The following ATG10 variants were observed in gnomAD, a reference collection of about 807,000 sequenced individuals.
ATG10 encodes ubiquitin-like-conjugating enzyme ATG10.
A neutral mutation model predicts 32.1 loss-of-function variants in ATG10; 30 were observed. That is an observed-to-expected ratio of 0.94 (90% CI 0.70 to 1.27). ATG10 has a LOEUF of 1.27. Ranked by LOEUF, ATG10 falls within the 50% of genes most tolerant of loss-of-function variation. The pLI, the probability that ATG10 is intolerant of heterozygous loss-of-function variation, is 0.00. For missense variants in ATG10, 233 were observed against 262.3 expected (o/e 0.89, Z 0.77); for synonymous variants, 87 against 91.5 (o/e 0.95, Z 0.28).
chr5:81,979,267 C>T (rs998858613), intron 1 of ATG10, among the ~76,000 whole-genome samples: 2 of 152,032 alleles, frequency 1.3e-5, no homozygotes, highest in African/African-American at 2.4e-5. Flanking sequence ...GTGGCTCACA[C>T]CTGTAATCCC....
At chr5:82,061,818 CTTT>C (rs11459926) in intron 3 of ATG10, among the ~76,000 whole-genome samples, 1 of 80,922 alleles carries the variant, frequency 1.2e-5, no homozygotes. Context: ...ACACACATAC[CTTT>C]TTTTTTTTTT....
At chr5:82,110,522 G>A (rs1307617628) in intron 3 of ATG10, among the ~76,000 whole-genome samples, 4 of 152,044 alleles carry the variant, frequency 2.6e-5, no homozygotes, top group African/African-American at 4.8e-5. Flanking sequence ...TCTCATTGTG[G>A]TTTTGATTTG....
chr5:82,071,250 T>C (rs1168126338), intron 3 of ATG10, among the ~76,000 whole-genome samples: 3 of 152,092 alleles, frequency 2.0e-5, no homozygotes, highest in Non-Finnish European at 4.4e-5. Flanking sequence ...CTTGGGAAAT[T>C]ACCTCCAATA....
At chr5:82,199,846 T>C (rs1022267393) in intron 5 of ATG10, among the ~76,000 whole-genome samples, 1 of 152,208 alleles carries the variant, frequency 6.6e-6, no homozygotes, top group African/African-American at 2.4e-5. Flanking sequence ...CCTTGTTCTC[T>C]GTCCCTATTG....
chr5:82,231,499 G>A (rs922052878), intron 5 of ATG10, among the ~76,000 whole-genome samples: 6 of 152,124 alleles, frequency 3.9e-5, no homozygotes, highest in Admixed American at 1.3e-4. Context: ...TTGTAGGAGC[G>A]TATGATTTCT....
intron 5 of ATG10, among the ~76,000 whole-genome samples, chr5:82,206,789 C>G (rs189057129): frequency 1.5e-3 from 232 of 152,266 alleles, no homozygotes; most frequent in Non-Finnish European, 2.9e-3. Context: ...CTCCCAATCA[C>G]TTTCTCTCCC....
chr5:82,141,418 C>G (rs1767130860), intron 3 of ATG10, among the ~76,000 whole-genome samples: 1 of 151,916 alleles, frequency 6.6e-6, no homozygotes, highest in South Asian at 2.1e-4. Context: ...TTGATGTGTC[C>G]TTTACTTAAA....
intron 5 of ATG10, among the ~76,000 whole-genome samples, chr5:82,186,780 C>T (rs947243058): frequency 2.0e-5 from 3 of 152,048 alleles, no homozygotes; most frequent in African/African-American, 7.2e-5. Flanking sequence ...AAAGGTTTCT[C>T]CCCATTAGCT....
intron 2 of ATG10, chr5:81,992,087 C>A (rs1761481911): frequency 6.6e-6 from 1 of 152,156 alleles, no homozygotes; most frequent in South Asian, 2.1e-4. Context: ...ATCTCCTGGG[C>A]TTAAGTGATC....
At chr5:82,056,287 A>G (rs1763591857) in intron 2 of ATG10, among the ~76,000 whole-genome samples, 1 of 152,180 alleles carries the variant, frequency 6.6e-6, no homozygotes, top group Admixed American at 6.6e-5. Flanking sequence ...GGGGCCATGT[A>G]ATTGAAAAAT....
intron 3 of ATG10, among the ~76,000 whole-genome samples, chr5:82,136,005 T>A (rs1297379326): frequency 6.6e-6 from 1 of 152,230 alleles, no homozygotes; most frequent in Non-Finnish European, 1.5e-5. Context: ...TCTTTGTTGG[T>A]TTAAAGTCTG....
chr5:82,223,065 G>A (rs1479528451), intron 5 of ATG10, among the ~76,000 whole-genome samples: 1 of 152,224 alleles, frequency 6.6e-6, no homozygotes, highest in African/African-American at 2.4e-5. Context: ...GTGAGGAAAT[G>A]ATGGTGAGAG....
At chr5:82,223,357 G>A (rs1745999629) in intron 5 of ATG10, among the ~76,000 whole-genome samples, 1 of 152,168 alleles carries the variant, frequency 6.6e-6, no homozygotes, top group Non-Finnish European at 1.5e-5. Flanking sequence ...CACACTTGTG[G>A]CTCATAGTCA....
intron 5 of ATG10, among the ~76,000 whole-genome samples, chr5:82,227,672 G>A (rs1184862760): frequency 2.0e-5 from 3 of 152,026 alleles, no homozygotes; most frequent in Admixed American, 6.6e-5. Flanking sequence ...CACCACTCCT[G>A]GCCCCAATTC....
At position 82,232,320 on chromosome 5, in the gene ATG10, G is replaced by A. The variant is rs544474697; in HGVS notation, c.454-20242G>A. Among the ~76,000 whole-genome samples the A allele has an allele frequency of 3.9e-5, 6 of 152,222 alleles. No individual in the cohort carries two copies. In the South Asian group the frequency reaches 6.2e-4, roughly 16 times the overall value. On this transcript the variant is annotated intron_variant, in intron 5 of 7. Transcript: ENST00000282185. The stretch of plus-strand genomic sequence containing the variant: ...ACTTTAAGATAAAAATAGAATAAAC[G>A]TACCACCTGAAAGTTGTTTCATACT...
At chr5:82,105,103 TCTC>T (rs1168033437) in intron 3 of ATG10, among the ~76,000 whole-genome samples, 2 of 152,124 alleles carry the variant, frequency 1.3e-5, no homozygotes, top group Admixed American at 1.3e-4. Flanking sequence ...ATGGCTTTCT[TCTC>T]TACAGAACTT....
intron 3 of ATG10, among the ~76,000 whole-genome samples, chr5:82,075,388 A>T (rs546153272): frequency 5.9e-5 from 9 of 152,328 alleles, no homozygotes; most frequent in African/African-American, 1.9e-4. Context: ...TCTGTGTGAA[A>T]TCATGGGGTT....
intron 1 of ATG10, among the ~76,000 whole-genome samples, chr5:81,979,244 C>T (rs1760958924): frequency 6.8e-6 from 1 of 146,146 alleles, no homozygotes; most frequent in Admixed American, 6.8e-5. Context: ...AAAATGTTTA[C>T]TGGCTGGGCA....
At chr5:82,189,451 A>G (rs932256333) in intron 5 of ATG10, among the ~76,000 whole-genome samples, 15 of 152,182 alleles carry the variant, frequency 9.9e-5, no homozygotes, top group African/African-American at 3.6e-4. Flanking sequence ...ACTTAAACCA[A>G]TTCCAAGAGA....
Sources: gnomAD v4.1 joint callset for allele counts (sites outside exome capture counted in the v4.1 genomes callset) on GRCh38, gnomAD v4.1.1 for gene constraint, MANE v1.5 for transcripts, NCBI Gene and HGNC (gene_info 2026-07-23, HGNC 2026-07-21) for gene names.